PHF20L1: variants seen among roughly 807,000 people sequenced by gnomAD.
PHF20L1 encodes PHD finger protein 20 like 1, also known as PHD finger protein 20-like protein 1.
In PHF20L1, 44 loss-of-function variants were observed where a neutral mutation model predicts 125.5. The ratio of observed to expected loss-of-function variants is 0.35; its 90% confidence interval spans 0.28 to 0.45. The LOEUF (loss-of-function observed/expected upper bound fraction) is 0.45, where lower values mean the gene tolerates loss of function less well. Ranked by LOEUF, PHF20L1 falls within the 20% of genes least tolerant of loss-of-function variation. The probability of loss-of-function intolerance (pLI) is 1.00; values close to 1 mark genes in which losing one functional copy is unlikely to be tolerated. For missense variants in PHF20L1, 1,012 were observed against 1,217.2 expected (o/e 0.83, Z 2.51); for synonymous variants, 380 against 403.1 (o/e 0.94, Z 0.69).
At chr8:132,836,032 T>G (rs2131878994) in intron 15 of PHF20L1, among the ~76,000 whole-genome samples, 1 of 152,200 alleles carries the variant, frequency 6.6e-6, no homozygotes, top group Middle Eastern at 3.4e-3. Flanking sequence ...AAAAGCACTT[T>G]ATTAATCCAA....
At position 132,845,981 on chromosome 8, in the gene PHF20L1, T is replaced by C; in HGVS notation, c.*58T>C. On this transcript the variant is annotated 3_prime_UTR_variant, in exon 21 of 21. Transcript: ENST00000395386. ...TTCTTCAGTCAAAGCATTTTTATTA[T>C]CCACGTGATGGCTAAGTGGATAATT... is the stretch of plus-strand genomic sequence containing the variant. 1 of 1,328,740 alleles carries C rather than the reference T, an allele frequency of 7.5e-7. No individual in the cohort carries two copies. Among genetic ancestry groups the C allele is most frequent in the South Asian group, 1.3e-5 (1 of 78,672 alleles). The allele number at this position is 1,328,740 out of a possible 1,614,324, so 82.3% of individuals were successfully genotyped here. A position where few individuals can be genotyped will look rare whatever the true frequency, so the allele number is the denominator to read the frequency against.
intron 6 of PHF20L1, among the ~76,000 whole-genome samples, chr8:132,802,088 C>G (rs1193516809): frequency 1.3e-5 from 2 of 150,820 alleles, no homozygotes; most frequent in Non-Finnish European, 3.0e-5. Context: ...TTTTGGTTGT[C>G]TGATTGTACT....
chr8:132,845,550 A>AT (rs1207302115), intron 20 of PHF20L1, among the ~76,000 whole-genome samples: 27 of 152,022 alleles, frequency 1.8e-4, no homozygotes, highest in Non-Finnish European at 3.4e-4. Flanking sequence ...CTATATATAT[A>AT]AAGGGGAAAA....
chr8:132,834,217 C>A (rs1837098025), intron 15 of PHF20L1, among the ~76,000 whole-genome samples: 1 of 152,066 alleles, frequency 6.6e-6, no homozygotes, highest in African/African-American at 2.4e-5. Flanking sequence ...GTTATTCAAA[C>A]TAGATTTGTG....
At chr8:132,845,096 A>G (rs1587113324) in intron 20 of PHF20L1, among the ~76,000 whole-genome samples, 2 of 152,164 alleles carry the variant, frequency 1.3e-5, no homozygotes, top group East Asian at 3.9e-4. Flanking sequence ...AGCTAACTGT[A>G]GAGTTAATGT....
intron 14 of PHF20L1, chr8:132,826,227 C>G (rs923372362): frequency 6.6e-6 from 1 of 151,978 alleles, no homozygotes. Flanking sequence ...TTAGATGAAA[C>G]GCAATTGTTA....
intron 14 of PHF20L1, among the ~76,000 whole-genome samples, chr8:132,828,731 GT>G (rs1836462554): frequency 6.6e-6 from 1 of 152,034 alleles, no homozygotes; most frequent in South Asian, 2.1e-4. Context: ...ATCTTTGCCA[GT>G]TTTTAGCTTT....
Position 132,847,147 on chromosome 8 carries a change from G to C in PHF20L1, c.*1224G>C, listed in dbSNP as rs1284263489. 3.3e-5 allele frequency: 5 copies of C among 152,526 alleles called. No homozygotes were observed. The highest frequency in any genetic ancestry group is 2.1e-4 in the South Asian group (1 of 4,832). 9.4% of individuals were successfully genotyped at this position (152,526 alleles called of 1,614,324 possible). A position where few individuals can be genotyped will look rare whatever the true frequency, so the allele number is the denominator to read the frequency against. On this transcript the variant is annotated 3_prime_UTR_variant, in exon 21 of 21. Coordinates refer to ENST00000395386, the MANE Select transcript of PHF20L1 (RefSeq NM_016018.5). Reference sequence around the variant, plus strand: ...CCCAGTGCTACATACGCAGGTATGCGTAAGTGTGTATGCTTGTTTTAAACA... The same window carrying C: ...CCCAGTGCTACATACGCAGGTATGCCTAAGTGTGTATGCTTGTTTTAAACA...
chr8:132,817,240 C>T (rs1370957694), intron 11 of PHF20L1, 99 bp from the exon 12 acceptor site: 2 of 1,074,344 alleles, frequency 1.9e-6, no homozygotes, highest in East Asian at 4.9e-5. Flanking sequence ...TTCTTTGTGC[C>T]AGGCACTGTT....
At chr8:132,832,513 A>G (rs763409862) in intron 15 of PHF20L1, 114 bp downstream of exon 15, 7 of 679,734 alleles carry the variant, frequency 1.0e-5, no homozygotes, top group Non-Finnish European at 1.7e-5. Context: ...AGCTAAACTA[A>G]TATGAAAGTC....
chr8:132,791,357 G>A (rs1028166856), intron 2 of PHF20L1, among the ~76,000 whole-genome samples: 3 of 149,580 alleles, frequency 2.0e-5, no homozygotes, highest in African/African-American at 7.4e-5. Context: ...GGGTTCAAGC[G>A]ATTCTCCTGC....
At position 132,775,397 on chromosome 8, in the gene PHF20L1, C is replaced by CGGCGGCGGG; in HGVS notation, c.-278_-277insGGGCGGCGG. On this transcript the variant is annotated 5_prime_UTR_variant, in exon 1 of 21. Coordinates refer to ENST00000395386, the MANE Select transcript of PHF20L1 (RefSeq NM_016018.5). ...GGCCCGGCGTCGCGTCAGGGCTGGC[C>CGGCGGCGGG]GGCGGCGGAGGCGGCGGCGGCGGCG... 1 of 380,296 alleles carries CGGCGGCGGG rather than the reference C, an allele frequency of 2.6e-6. No individual in the cohort carries two copies. Among genetic ancestry groups the CGGCGGCGGG allele is most frequent in the Non-Finnish European group, 4.6e-6 (1 of 216,914 alleles). The allele number at this position is 380,296 out of a possible 1,614,324, so 23.6% of individuals were successfully genotyped here.
chr8:132,786,269 A>T (rs1034215242), intron 2 of PHF20L1, among the ~76,000 whole-genome samples: 3 of 152,210 alleles, frequency 2.0e-5, no homozygotes, highest in East Asian at 1.9e-4. Context: ...TAATAATGTG[A>T]TGTATCATAC....
intron 20 of PHF20L1, among the ~76,000 whole-genome samples, chr8:132,844,897 T>C (rs992953685): frequency 2.6e-5 from 4 of 152,098 alleles, no homozygotes; most frequent in African/African-American, 9.7e-5. Flanking sequence ...CTTAATGCTT[T>C]CTGACTCCTG....
chr8:132,816,410 T>C (rs1563823053), intron 10 of PHF20L1: 1 of 151,922 alleles, frequency 6.6e-6, no homozygotes, highest in Non-Finnish European at 1.5e-5. Flanking sequence ...TTATTTACAT[T>C]AGTGTAAAGT....
At chr8:132,781,549 C>A (rs1313533816) in intron 2 of PHF20L1, among the ~76,000 whole-genome samples, 1 of 152,120 alleles carries the variant, frequency 6.6e-6, no homozygotes, top group Non-Finnish European at 1.5e-5. Flanking sequence ...CTGCCTCAGC[C>A]TCCCGAGTAG....
chr8:132,798,521 T>C (rs1413456963), intron 4 of PHF20L1, among the ~76,000 whole-genome samples: 1 of 152,040 alleles, frequency 6.6e-6, no homozygotes, highest in Non-Finnish European at 1.5e-5. Context: ...ATAAAATTTC[T>C]TAGTAAAAAT....
chr8:132,808,789 A>G (rs1478232052), intron 8 of PHF20L1: 1 of 150,400 alleles, frequency 6.6e-6, no homozygotes, highest in East Asian at 1.9e-4. Context: ...TGAGACTGTA[A>G]CAAACTATTT....
chr8:132,836,784 C>A, intron 16 of PHF20L1, 63 bp downstream of exon 16: 2 of 1,203,368 alleles, frequency 1.7e-6, no homozygotes, highest in Non-Finnish European at 2.4e-6. Flanking sequence ...GCAAATGCAT[C>A]ACGGTGTTTT....
Sources: gnomAD v4.1 joint callset for allele counts (sites outside exome capture counted in the v4.1 genomes callset) on GRCh38, gnomAD v4.1.1 for gene constraint, MANE v1.5 for transcripts, NCBI Gene and HGNC (gene_info 2026-07-23, HGNC 2026-07-21) for gene names.